Variants in FAM227B observed in about 807,000 individuals in gnomAD.
FAM227B encodes the protein family with sequence similarity 227 member B, also known as protein FAM227B.
Under a neutral mutation model 73.8 loss-of-function variants are expected in FAM227B, and 88 were observed. That is an observed-to-expected ratio of 1.19 (90% confidence interval 1.00 to 1.42). The LOEUF (loss-of-function observed/expected upper bound fraction) is 1.42. FAM227B is among the 40% of genes most tolerant of loss of function. The pLI is 0.00. For missense variants in FAM227B, 632 were observed against 590.9 expected (o/e 1.07, Z -0.72); for synonymous variants, 210 against 190.5 (o/e 1.10, Z -0.84).
At chr15:49,609,554 G>A (rs2153327067) in intron 3 of FAM227B, among the ~76,000 whole-genome samples, 1 of 151,982 alleles carries the variant, frequency 6.6e-6, no homozygotes, top group Middle Eastern at 3.4e-3. Flanking sequence ...CTCCATAAGG[G>A]CAGGCATCTT....
intron 11 of FAM227B, among the ~76,000 whole-genome samples, chr15:49,392,632 T>C (rs1250450679): frequency 1.3e-5 from 2 of 152,206 alleles, no homozygotes; most frequent in Admixed American, 1.3e-4. Flanking sequence ...GGAGTGGTTA[T>C]CCAAGTGTAA....
chr15:49,436,229 A>G (rs770920902), intron 11 of FAM227B, among the ~76,000 whole-genome samples: 1 of 151,604 alleles, frequency 6.6e-6, no homozygotes, highest in Non-Finnish European at 1.5e-5. Flanking sequence ...AGATGATCCT[A>G]TCAAAAACCT....
chr15:49,514,008 A>G (rs1277306013), intron 10 of FAM227B, among the ~76,000 whole-genome samples: 1 of 151,992 alleles, frequency 6.6e-6, no homozygotes. Context: ...ACCTTGTAGG[A>G]TAGTTTGAAG....
intron 9 of FAM227B, among the ~76,000 whole-genome samples, chr15:49,553,264 C>T (rs2073251873): frequency 6.6e-6 from 1 of 152,176 alleles, no homozygotes; most frequent in Admixed American, 6.5e-5. Flanking sequence ...TCCTCCCTTA[C>T]TTTATCCCAA....
At chr15:49,337,507 A>ATTTTTTT (rs2039940727) in intron 13 of FAM227B, among the ~76,000 whole-genome samples, 1 of 22,990 alleles carries the variant, frequency 4.3e-5, no homozygotes, top group African/African-American at 1.8e-4. Context: ...TCATTTACCC[A>ATTTTTTT]CTTTTTTTTT....
At chr15:49,603,798 T>C (rs1170554371) in intron 3 of FAM227B, among the ~76,000 whole-genome samples, 5 of 152,228 alleles carry the variant, frequency 3.3e-5, no homozygotes, top group African/African-American at 1.2e-4. Flanking sequence ...GTCTGTCATA[T>C]ATAGCTTTTA....
intron 11 of FAM227B, among the ~76,000 whole-genome samples, chr15:49,418,051 A>G (rs2049337016): frequency 6.6e-6 from 1 of 152,220 alleles, no homozygotes; most frequent in Admixed American, 6.5e-5. Context: ...TGTCTAAAAA[A>G]CATATGAAAG....
chr15:49,336,105 G>A (rs1176696600), intron 13 of FAM227B, among the ~76,000 whole-genome samples: 1 of 152,208 alleles, frequency 6.6e-6, no homozygotes, highest in Non-Finnish European at 1.5e-5. Flanking sequence ...ACCACACCCA[G>A]CTTTCATTTT....
chr15:49,395,190 T>C (rs1319826383), intron 11 of FAM227B, among the ~76,000 whole-genome samples: 1 of 152,222 alleles, frequency 6.6e-6, no homozygotes, highest in East Asian at 1.9e-4. Context: ...TTTCTTTTGG[T>C]AAATAGTTAC....
chr15:49,565,905 C>G (rs2074618459), intron 9 of FAM227B, among the ~76,000 whole-genome samples: 1 of 152,034 alleles, frequency 6.6e-6, no homozygotes, highest in African/African-American at 2.4e-5. Context: ...GTGATACAAC[C>G]ATAAGCTAAG....
At chr15:49,489,803 T>TTATATATATATATATATTTTATA (rs1224751738) in intron 11 of FAM227B, among the ~76,000 whole-genome samples, 5 of 57,310 alleles carry the variant, frequency 8.7e-5, no homozygotes, top group South Asian at 1.3e-3. Context: ...TATATATATT[T>TTATATATATATATATATTTTATA]TATATATATA....
intron 11 of FAM227B, among the ~76,000 whole-genome samples, chr15:49,408,828 T>C (rs1388999226): frequency 1.3e-5 from 2 of 151,560 alleles, no homozygotes; most frequent in African/African-American, 2.4e-5. Flanking sequence ...TGTGTTGTTG[T>C]GGTGGTTTTT....
At chr15:49,540,617 G>A (rs1313215138) in intron 10 of FAM227B, among the ~76,000 whole-genome samples, 18 of 152,126 alleles carry the variant, frequency 1.2e-4, no homozygotes, top group Admixed American at 1.2e-3. Flanking sequence ...GCCCACCCAT[G>A]TAATGCCATT....
At chr15:49,520,411 G>A (rs2059697697) in intron 10 of FAM227B, among the ~76,000 whole-genome samples, 4 of 152,080 alleles carry the variant, frequency 2.6e-5, no homozygotes, top group Admixed American at 2.0e-4. Flanking sequence ...TTCCAAAGTT[G>A]CTTCCACATT....
At chr15:49,447,750 G>T (rs1315498966) in intron 11 of FAM227B, among the ~76,000 whole-genome samples, 1 of 151,628 alleles carries the variant, frequency 6.6e-6, no homozygotes, top group Non-Finnish European at 1.5e-5. Context: ...GAATGACTTT[G>T]TCCTCATTAC....
intron 11 of FAM227B, among the ~76,000 whole-genome samples, chr15:49,499,152 C>A (rs377217317): frequency 3.9e-5 from 4 of 101,376 alleles, no homozygotes; most frequent in Non-Finnish European, 5.3e-5. Flanking sequence ...GGCGACAGAG[C>A]GAGACTCCGT....
rs2037881436 is a variant in FAM227B, at chr15:49,328,302, G to GAAA, written c.*265_*266insTTT. On this transcript the variant is annotated 3_prime_UTR_variant, in exon 16 of 16. Transcript: ENST00000299338. ...TATCAAGATATATTTTCAAAGAAAT[G>GAAA]GTTGAAAGCTCTCTATGCTTCATAA... The GAAA allele has an allele frequency of 8.4e-6, 12 of 1,435,848 alleles. No homozygotes were observed. In the South Asian group the frequency reaches 1.7e-4, roughly 20 times the overall value. 88.9% of individuals were successfully genotyped at this position (1,435,848 alleles called of 1,614,324 possible).
At chr15:49,545,511 T>C (rs2071705151) in intron 9 of FAM227B, among the ~76,000 whole-genome samples, 1 of 152,246 alleles carries the variant, frequency 6.6e-6, no homozygotes, top group South Asian at 2.1e-4. Context: ...CTGATCTTTG[T>C]TGTTGATTTT....
At chr15:49,403,275 C>T (rs1264948894) in intron 11 of FAM227B, among the ~76,000 whole-genome samples, 1 of 152,138 alleles carries the variant, frequency 6.6e-6, no homozygotes, top group East Asian at 1.9e-4. Flanking sequence ...ATGATGCTGG[C>T]CTCACAGAAT....
Sources: allele counts gnomAD v4.1 joint callset (sites outside exome capture counted in the v4.1 genomes callset), GRCh38; gene constraint gnomAD v4.1.1; transcripts MANE v1.5; gene names NCBI Gene and HGNC (gene_info 2026-07-23, HGNC 2026-07-21).